Variants in GABBR2 observed in about 807,000 individuals in gnomAD.
The protein encoded by GABBR2 is G-protein coupled receptor 51.
Under a neutral mutation model 105.6 loss-of-function variants are expected in GABBR2, and 23 were observed. The ratio of observed to expected loss-of-function variants is 0.22; its 90% CI spans 0.16 to 0.31. The LOEUF is 0.31. GABBR2 is among the 10% of genes least tolerant of loss of function. GABBR2 has a pLI of 1.00. For missense variants in GABBR2, 734 were observed against 1,245.5 expected, an observed-to-expected ratio of 0.59 and a Z score of 6.18; for synonymous variants, 478 against 499.7, an observed-to-expected ratio of 0.96 and a Z score of 0.58.
intron 11 of GABBR2, among the ~76,000 whole-genome samples, chr9:98,384,449 G>T: frequency 6.6e-6 from 1 of 152,142 alleles, no homozygotes; most frequent in East Asian, 1.9e-4. Flanking sequence ...AATTAGCTGG[G>T]CATGGTGGTG....
At chr9:98,691,521 C>A (rs1476141142) in intron 1 of GABBR2, among the ~76,000 whole-genome samples, 1 of 152,236 alleles carries the variant, frequency 6.6e-6, no homozygotes, top group Non-Finnish European at 1.5e-5. Flanking sequence ...ATAGGAAACT[C>A]TTTGCCGACA....
intron 2 of GABBR2, among the ~76,000 whole-genome samples, chr9:98,554,875 T>A (rs1828558792): frequency 6.6e-6 from 1 of 152,178 alleles, no homozygotes. Context: ...CAAAACCAAG[T>A]CGATGCTGAG....
At chr9:98,594,370 C>T (rs1189443011) in intron 1 of GABBR2, among the ~76,000 whole-genome samples, 3 of 152,204 alleles carry the variant, frequency 2.0e-5, no homozygotes, top group Admixed American at 1.3e-4. Context: ...GGTGCTGCCC[C>T]TGGATTCACG....
intron 1 of GABBR2, among the ~76,000 whole-genome samples, chr9:98,625,471 C>T (rs1311034180): frequency 1.3e-5 from 2 of 152,356 alleles, no homozygotes; most frequent in Middle Eastern, 3.4e-3. Context: ...AGAATGAGAA[C>T]TTGGGAAGAA....
intron 8 of GABBR2, among the ~76,000 whole-genome samples, chr9:98,400,403 G>A (rs1333833906): frequency 6.6e-6 from 1 of 152,136 alleles, no homozygotes; most frequent in Admixed American, 6.5e-5. Context: ...GGTAGGTAGG[G>A]ACACAGGAAT....
At chr9:98,325,101 A>T (rs1181078110) in intron 13 of GABBR2, among the ~76,000 whole-genome samples, 1 of 152,052 alleles carries the variant, frequency 6.6e-6, no homozygotes, top group East Asian at 1.9e-4. Flanking sequence ...CTTTCTTTGC[A>T]TACCTCTGGT....
At chr9:98,433,238 G>A (rs1222061241) in intron 7 of GABBR2, among the ~76,000 whole-genome samples, 2 of 152,220 alleles carry the variant, frequency 1.3e-5, no homozygotes, top group East Asian at 3.8e-4. Context: ...CAGTGATTAT[G>A]TGGATTAAAC....
intron 7 of GABBR2, among the ~76,000 whole-genome samples, chr9:98,451,114 G>T (rs552498644): frequency 6.6e-6 from 1 of 152,298 alleles, no homozygotes; most frequent in Admixed American, 6.5e-5. Flanking sequence ...GTAGGATGAG[G>T]AGAAAGGACT....
intron 4 of GABBR2, among the ~76,000 whole-genome samples, chr9:98,489,072 G>A (rs533296933): frequency 3.8e-4 from 58 of 152,286 alleles, no homozygotes; most frequent in African/African-American, 1.2e-3. Flanking sequence ...CAGTTCTGCC[G>A]CTGTAGCACA....
intron 11 of GABBR2, among the ~76,000 whole-genome samples, chr9:98,376,314 T>C (rs572710490): frequency 6.6e-6 from 1 of 152,344 alleles, no homozygotes; most frequent in East Asian, 1.9e-4. Flanking sequence ...AGGCCTGTTC[T>C]GACAGATGAC....
chr9:98,401,963 G>A (rs1377884920), intron 8 of GABBR2, among the ~76,000 whole-genome samples: 1 of 152,188 alleles, frequency 6.6e-6, no homozygotes, highest in Non-Finnish European at 1.5e-5. Context: ...AGACCAAATG[G>A]TAATTAATGT....
At chr9:98,646,292 T>G (rs532087165) in intron 1 of GABBR2, among the ~76,000 whole-genome samples, 1 of 152,332 alleles carries the variant, frequency 6.6e-6, no homozygotes, top group African/African-American at 2.4e-5. Flanking sequence ...GGTGCCTACA[T>G]GCCCAGTGCC....
At chr9:98,303,488 T>A in intron 15 of GABBR2, 65 bp from the exon 16 acceptor site, 1 of 1,387,970 alleles carries the variant, frequency 7.2e-7, no homozygotes, top group Non-Finnish European at 1.0e-6. Context: ...CCATCCCACA[T>A]GGCAGACTCT....
chr9:98,440,322 T>C (rs1311494355), intron 7 of GABBR2, among the ~76,000 whole-genome samples: 2 of 152,174 alleles, frequency 1.3e-5, no homozygotes, highest in East Asian at 3.9e-4. Context: ...TAAGGCACTA[T>C]CTATGTTTTA....
At chr9:98,406,056 A>G in intron 8 of GABBR2, 25 bp downstream of exon 8, 6 of 1,287,342 alleles carry the variant, frequency 4.7e-6, no homozygotes, top group Non-Finnish European at 6.8e-6. Flanking sequence ...TATCAGCTAG[A>G]AAGAATAAGC....
At position 98,290,794 on chromosome 9, in the gene GABBR2, C is replaced by T. The variant is rs5010004; in HGVS notation, c.2661-45G>A. 1.4e-5 allele frequency: 19 copies of T among 1,379,198 alleles called. No individual in the cohort carries two copies. The East Asian group carries it at 2.4e-4, about 17-fold the overall frequency. The allele number at this position is 1,379,198 out of a possible 1,614,324, so 85.4% of individuals were successfully genotyped here. The stretch of plus-strand genomic sequence containing the variant: ...GGAGTGTTAGTGAAGGGTAGCTGGG[C>T]GCTTACCAGAAAGTTCCTTGGACTT... On this transcript the variant is annotated intron_variant, in intron 18 of 18. Coordinates refer to ENST00000259455, the MANE Select transcript of GABBR2 (RefSeq NM_005458.8).
chr9:98,591,792 C>T (rs1564124360), intron 1 of GABBR2, among the ~76,000 whole-genome samples: 1 of 152,196 alleles, frequency 6.6e-6, no homozygotes, highest in Admixed American at 6.5e-5. Context: ...AAAGAATAAA[C>T]CAGCTATGTC....
chr9:98,410,368 TTC>T lies in GABBR2; in HGVS notation c.1237-4229_1237-4228del, dbSNP rs138601893. Among the ~76,000 whole-genome samples, 891 of 152,182 alleles carry T rather than the reference TTC, an allele frequency of 5.9e-3. 38 individuals carry two copies. In the East Asian group the frequency reaches 0.1, roughly 17 times the overall value. ...GGTGGCTCACAGTTCACACTCACTC[TTC>T]TACACTCTCCTCCTTGTGGCAGGGA... On this transcript the variant is annotated intron_variant, in intron 7 of 18. Transcript: ENST00000259455.
At chr9:98,577,530 C>G (rs13286375) in intron 2 of GABBR2, among the ~76,000 whole-genome samples, 91,761 of 152,100 alleles carry the variant, frequency 0.6, 28,730 homozygotes, top group African/African-American at 0.76. Context: ...GTTAAGGGAA[C>G]GGTGAGAGCA....
Sources: gnomAD v4.1 joint callset for allele counts (sites outside exome capture counted in the v4.1 genomes callset) on GRCh38, gnomAD v4.1.1 for gene constraint, MANE v1.5 for transcripts, NCBI Gene and HGNC (gene_info 2026-07-23, HGNC 2026-07-21) for gene names.